SEMA6D: variants seen among roughly 807,000 people sequenced by gnomAD.
The protein encoded by SEMA6D is semaphorin 6D.
SEMA6D carries 35 observed loss-of-function variants against 106.6 expected under a neutral mutation model. The observed-to-expected ratio is 0.33, with a 90% CI of 0.25 to 0.44. SEMA6D has a LOEUF of 0.44. Ranked by LOEUF, SEMA6D falls within the 20% of genes least tolerant of loss-of-function variation. The probability of loss-of-function intolerance (pLI) is 1.00; values close to 1 mark genes in which losing one functional copy is unlikely to be tolerated. For missense variants in SEMA6D, 1,185 were observed against 1,345.9 expected, an observed-to-expected ratio of 0.88 and a Z score of 1.87; for synonymous variants, 499 against 487.7, an observed-to-expected ratio of 1.02 and a Z score of -0.31.
At chr15:47,679,493 T>A (rs1268960929) in intron 4 of SEMA6D, among the ~76,000 whole-genome samples, 2 of 152,196 alleles carry the variant, frequency 1.3e-5, no homozygotes, top group African/African-American at 4.8e-5. Context: ...GAAAAGAAAA[T>A]GCCTGGTTTC....
At position 47,443,852 on chromosome 15, in the gene SEMA6D, C is replaced by T. The variant is rs76499245; in HGVS notation, c.-158-26622C>T. ...AAATTAATGAATTATGGCCACCTAC[C>T]GTGGAAAACTGTCTTCTTGGCATAT... On this transcript the variant is annotated intron_variant, in intron 2 of 19. Coordinates refer to the SEMA6D transcript ENST00000558014. Among the ~76,000 whole-genome samples, 862 of 151,278 alleles carry T rather than the reference C, an allele frequency of 5.7e-3. 6 individuals carry two copies. The highest frequency in any genetic ancestry group is 0.02 in the African/African-American group (816 of 41,470).
intron 1 of SEMA6D, among the ~76,000 whole-genome samples, chr15:47,385,357 C>T (rs576187357): frequency 1.3e-5 from 2 of 152,248 alleles, no homozygotes; most frequent in African/African-American, 4.8e-5. Context: ...TATGCTCTTT[C>T]ATTGTACTGT....
chr15:47,373,392 G>A (rs111400131), intron 1 of SEMA6D, among the ~76,000 whole-genome samples: 3 of 152,266 alleles, frequency 2.0e-5, no homozygotes, highest in Admixed American at 6.5e-5. Context: ...CCCCATATAT[G>A]ACATACATAA....
intron 1 of SEMA6D, among the ~76,000 whole-genome samples, chr15:47,208,542 A>G (rs577341986): frequency 1.3e-5 from 2 of 152,160 alleles, no homozygotes; most frequent in Non-Finnish European, 2.9e-5. Context: ...TCATTACACT[A>G]TACTGCTATA....
chr15:47,521,877 C>T (rs1000682990), intron 3 of SEMA6D, among the ~76,000 whole-genome samples: 5 of 151,230 alleles, frequency 3.3e-5, no homozygotes, highest in Non-Finnish European at 2.9e-5. Context: ...CCCAGCTACT[C>T]GGGAGGCTGA....
Position 47,457,916 on chromosome 15 carries a change from G to A in SEMA6D, c.-158-12558G>A, listed in dbSNP as rs148216150. On this transcript the variant is annotated intron_variant, in intron 2 of 19. Transcript: ENST00000558014. ...AAGTAGCCAAAAGAAAAAAAAAGTC[G>A]CAATGAATACAGACAAAAAGAGAAC... Among the ~76,000 whole-genome samples, 51 of 151,788 alleles carry A rather than the reference G, an allele frequency of 3.4e-4. 1 individual carries two copies. The Middle Eastern group carries it at 0.017, about 51-fold the overall frequency.
At chr15:47,263,698 T>A (rs572529751) in intron 1 of SEMA6D, among the ~76,000 whole-genome samples, 26 of 152,024 alleles carry the variant, frequency 1.7e-4, no homozygotes, top group African/African-American at 6.3e-4. Context: ...TCTTCCACAA[T>A]GGTCTCCAGC....
In SEMA6D at chr15:47,659,797, T is replaced by A. The variant is rs74377683; in HGVS notation, c.-55+58901T>A. ...GAATGGCTTCTAAATAAATGAAAGATGTTTAACCTCACAATTTAAAATGTG... is the reference window on the plus strand; with the variant it reads ...GAATGGCTTCTAAATAAATGAAAGAAGTTTAACCTCACAATTTAAAATGTG... On this transcript the variant is annotated intron_variant, in intron 4 of 19. Coordinates refer to the SEMA6D transcript ENST00000558014. Among the ~76,000 whole-genome samples, 1,009 of 152,242 alleles carry A rather than the reference T, an allele frequency of 6.6e-3. 10 individuals are homozygous for A. Among genetic ancestry groups the A allele is most frequent in the African/African-American group, 0.024 (979 of 41,574 alleles).
At chr15:47,495,769 G>C (rs1323813075) in intron 3 of SEMA6D, among the ~76,000 whole-genome samples, 3 of 151,938 alleles carry the variant, frequency 2.0e-5, no homozygotes, top group Non-Finnish European at 4.4e-5. Context: ...AATTACAGAA[G>C]TACAGAAATA....
chr15:47,497,626 C>T (rs2043711347), intron 3 of SEMA6D, among the ~76,000 whole-genome samples: 1 of 152,044 alleles, frequency 6.6e-6, no homozygotes, highest in Non-Finnish European at 1.5e-5. Flanking sequence ...TATTTGTATG[C>T]CTCAGTCTCC....
intron 4 of SEMA6D, among the ~76,000 whole-genome samples, chr15:47,662,410 A>C (rs1885247835): frequency 6.6e-6 from 1 of 152,166 alleles, no homozygotes; most frequent in Non-Finnish European, 1.5e-5. Flanking sequence ...CAAAATAACC[A>C]AGTCTGTATG....
chr15:47,379,355 C>T (rs2039560158), intron 1 of SEMA6D, among the ~76,000 whole-genome samples: 3 of 152,278 alleles, frequency 2.0e-5, no homozygotes, highest in Admixed American at 6.5e-5. Flanking sequence ...AGTAAAGATA[C>T]ATCGAGTAAC....
intron 3 of SEMA6D, among the ~76,000 whole-genome samples, chr15:47,554,952 A>G (rs2045874126): frequency 1.3e-5 from 2 of 152,194 alleles, no homozygotes; most frequent in African/African-American, 4.8e-5. Flanking sequence ...TGAGCTTCAC[A>G]TGATTTTCGC....
upstream of SEMA6D, among the ~76,000 whole-genome samples, chr15:47,715,823 C>G (rs1446816738): frequency 2.6e-5 from 4 of 152,280 alleles, no homozygotes; most frequent in East Asian, 5.8e-4. Flanking sequence ...CAGGACAACT[C>G]AAGAGCTTTC....
At chr15:47,559,901 C>T (rs1435276393) in intron 3 of SEMA6D, among the ~76,000 whole-genome samples, 1 of 152,096 alleles carries the variant, frequency 6.6e-6, no homozygotes, top group Non-Finnish European at 1.5e-5. Context: ...TTGAACACAA[C>T]TTTTGACCAA....
intron 1 of SEMA6D, among the ~76,000 whole-genome samples, chr15:47,348,727 C>CCACACACAGAGAGAGAGAGAGAG (rs1555425939): frequency 3.5e-5 from 2 of 57,122 alleles, no homozygotes; most frequent in African/African-American, 9.9e-5. Flanking sequence ...ACCACACACA[C>CCACACACAGAGAGAGAGAGAGAG]AGAGAGAGAG....
At chr15:47,599,935 T>A (rs1310405662) in intron 3 of SEMA6D, among the ~76,000 whole-genome samples, 4 of 152,054 alleles carry the variant, frequency 2.6e-5, no homozygotes, top group Non-Finnish European at 4.4e-5. Flanking sequence ...GAAGCAGTCT[T>A]TCACCTTAAG....
At chr15:47,375,442 A>G (rs947951132) in intron 1 of SEMA6D, among the ~76,000 whole-genome samples, 1 of 151,830 alleles carries the variant, frequency 6.6e-6, no homozygotes, top group Non-Finnish European at 1.5e-5. Context: ...CTCCTTTCTC[A>G]TGTACCTCTG....
At chr15:47,575,551 C>G (rs941029714) in intron 3 of SEMA6D, among the ~76,000 whole-genome samples, 4 of 152,224 alleles carry the variant, frequency 2.6e-5, no homozygotes, top group African/African-American at 9.6e-5. Flanking sequence ...AACCCCGTCT[C>G]TATTGAAACT....
Sources: gnomAD v4.1 joint callset for allele counts (sites outside exome capture counted in the v4.1 genomes callset) on GRCh38, gnomAD v4.1.1 for gene constraint, MANE v1.5 for transcripts, NCBI Gene and HGNC (gene_info 2026-07-23, HGNC 2026-07-21) for gene names.